GAPVD1: variants seen among roughly 807,000 people sequenced by gnomAD.
GAPVD1 encodes GTPase activating protein and VPS9 domains 1, also known as GTPase-activating protein and VPS9 domain-containing protein 1.
In GAPVD1, 35 loss-of-function variants were observed where a neutral mutation model predicts 155.5. That is an observed-to-expected ratio of 0.23 (90% confidence interval 0.17 to 0.30). The LOEUF is 0.30. Ranked by LOEUF, GAPVD1 falls within the 10% of genes least tolerant of loss-of-function variation. The pLI is 1.00. For synonymous variants in GAPVD1, 636 were observed against 619.7 expected, an observed-to-expected ratio of 1.03 and a Z score of -0.39; for missense variants, 1,429 against 1,775.7, an observed-to-expected ratio of 0.80 and a Z score of 3.51.
intron 2 of GAPVD1, among the ~76,000 whole-genome samples, chr9:125,281,895 A>G (rs1293264015): frequency 6.6e-6 from 1 of 151,494 alleles, no homozygotes; most frequent in Non-Finnish European, 1.5e-5. Context: ...GCTCACTGCA[A>G]TCTCTGCCTC....
intron 20 of GAPVD1, 40 bp downstream of exon 20, chr9:125,346,981 A>G (rs1364774751): frequency 1.2e-6 from 2 of 1,600,734 alleles, no homozygotes; most frequent in Admixed American, 3.3e-5. Flanking sequence ...AAACTTTTAT[A>G]TCATAGTGAT....
intron 23 of GAPVD1, among the ~76,000 whole-genome samples, chr9:125,353,367 G>A (rs539519532): frequency 1.3e-5 from 2 of 152,136 alleles, no homozygotes; most frequent in South Asian, 2.1e-4. Context: ...CAGCATTTTC[G>A]TCAAAGCCAT....
intron 2 of GAPVD1, among the ~76,000 whole-genome samples, chr9:125,290,940 C>T (rs939007110): frequency 2.0e-5 from 3 of 148,682 alleles, no homozygotes; most frequent in African/African-American, 5.0e-5. Flanking sequence ...TGCATTGAGC[C>T]GTGATCACAT....
Position 125,342,174 on chromosome 9 carries a change from T to A in GAPVD1, c.2966-45T>A, listed in dbSNP as rs777104210. The A allele has an allele frequency of 1.3e-5, 12 of 928,620 alleles. No individual in the cohort carries two copies. In the South Asian group the frequency reaches 1.6e-4, roughly 12 times the overall value. 57.5% of individuals were successfully genotyped at this position (928,620 alleles called of 1,614,324 possible). A position where few individuals can be genotyped will look rare whatever the true frequency, so the allele number is the denominator to read the frequency against. On this transcript the variant is annotated intron_variant, in intron 18 of 27. Coordinates refer to ENST00000297933, the MANE Select transcript of GAPVD1 (RefSeq NM_001282680.3). Reference sequence around the variant, plus strand: ...GGCACACCAGTTAACTTCCGAGTAGTGCAGTATGTTATATGTCACACTACT... The same window carrying A: ...GGCACACCAGTTAACTTCCGAGTAGAGCAGTATGTTATATGTCACACTACT...
chr9:125,280,631 A>C (rs1836640209), intron 2 of GAPVD1, among the ~76,000 whole-genome samples: 2 of 145,070 alleles, frequency 1.4e-5, no homozygotes, highest in Admixed American at 1.4e-4. Flanking sequence ...ACTGGAGTGC[A>C]GTGGCGCAAT....
intron 23 of GAPVD1, among the ~76,000 whole-genome samples, chr9:125,352,894 G>A (rs1849513427): frequency 6.6e-6 from 1 of 152,106 alleles, no homozygotes; most frequent in African/African-American, 2.4e-5. Flanking sequence ...ATCACCCGAG[G>A]TCAGGAGTTC....
At position 125,337,232 on chromosome 9, in the gene GAPVD1, G is replaced by T; in HGVS notation, c.2518G>T (p.Val840Leu). Reference sequence around the variant, plus strand: ...TTCCTGTGTTGCAGGGGCTTCTGCTGTGGTAAGGCCAAAGGTTCACTATGC... The same window carrying T: ...TTCCTGTGTTGCAGGGGCTTCTGCTTTGGTAAGGCCAAAGGTTCACTATGC... ...PLSSHEGASA[V>L]VRPKVHYARP... The change falls in exon 17 of 28, where the codon GTG (valine) becomes TTG (leucine). Residue 840 changes from valine to leucine, a missense_variant. Physicochemically the swap from Val to Leu is conservative, Grantham distance 32 (BLOSUM62 1). This residue lies in a region of GAPVD1 where 699 missense variants were observed against 826.0 expected (regional missense o/e 0.85). Coordinates refer to ENST00000297933, the MANE Select transcript of GAPVD1 (RefSeq NM_001282680.3). 1 of 1,614,046 alleles carries T rather than the reference G, an allele frequency of 6.2e-7. No homozygotes were observed. The highest frequency in any genetic ancestry group is 1.1e-5 in the South Asian group (1 of 91,086).
At position 125,298,953 on chromosome 9, in the gene GAPVD1, A is replaced by G. The variant is rs747338568; in HGVS notation, c.32A>G (p.His11Arg). 1.9e-6 allele frequency: 3 copies of G among 1,610,320 alleles called. No individual in the cohort carries two copies. In the East Asian group the frequency reaches 6.7e-5, roughly 36 times the overall value. The change falls in exon 4 of 28, where the codon CAT becomes CGT. Residue 11 changes from histidine (H) to arginine (R), a missense_variant. His to Arg is a conservative substitution (Grantham distance 29). Around this residue, in one of 4 missense-constraint regions of GAPVD1, gnomAD observed 628 missense variants for 733.4 expected, o/e 0.86. Coordinates refer to ENST00000297933, the MANE Select transcript of GAPVD1 (RefSeq NM_001282680.3). Reference protein sequence around the residue: MVKLDIHTLAHHLKQERLYVN... With the variant: MVKLDIHTLARHLKQERLYVN... ...AAACTAGATATTCATACTCTGGCTC[A>G]TCACCTCAAGCAGGAACGCTTATAT...
intron 25 of GAPVD1, among the ~76,000 whole-genome samples, chr9:125,358,041 T>G (rs1280281731): frequency 6.6e-6 from 1 of 151,888 alleles, no homozygotes; most frequent in Non-Finnish European, 1.5e-5. Context: ...TAACCTGGAA[T>G]AGTAATAGCG....
intron 15 of GAPVD1, chr9:125,336,808 A>T (rs2131973332): frequency 1.8e-6 from 1 of 544,590 alleles, no homozygotes; most frequent in Non-Finnish European, 3.2e-6. Flanking sequence ...AGACCACTTA[A>T]ATGTAAAGAA....
chr9:125,262,207 A>G (rs1293538800), intron 1 of GAPVD1, among the ~76,000 whole-genome samples: 3 of 151,802 alleles, frequency 2.0e-5, no homozygotes, highest in Non-Finnish European at 2.9e-5. Context: ...AGAGGGAGAG[A>G]CGCGTGGGGG....
intron 2 of GAPVD1, among the ~76,000 whole-genome samples, chr9:125,279,121 G>A (rs1401690552): frequency 1.3e-5 from 2 of 150,008 alleles, no homozygotes; most frequent in Non-Finnish European, 3.0e-5. Flanking sequence ...CTGAAGCAGG[G>A]TAATCACTGG....
intron 8 of GAPVD1, 126 bp downstream of exon 8, chr9:125,308,006 A>G: frequency 1.4e-6 from 1 of 690,466 alleles, no homozygotes. Flanking sequence ...ATGTTTACTG[A>G]TGGTATTTCA....
At chr9:125,348,837 C>T (rs1443514297) in intron 20 of GAPVD1, among the ~76,000 whole-genome samples, 1 of 152,140 alleles carries the variant, frequency 6.6e-6, no homozygotes, top group Non-Finnish European at 1.5e-5. Flanking sequence ...AGACATAAAA[C>T]CAACTTTGGA....
intron 2 of GAPVD1, among the ~76,000 whole-genome samples, chr9:125,293,679 ATATATAT>A (rs1358535795): frequency 1.4e-4 from 18 of 129,188 alleles, no homozygotes; most frequent in African/African-American, 4.9e-4. Context: ...ATATAAAAAT[ATATATAT>A]TATATATTTA....
intron 25 of GAPVD1, among the ~76,000 whole-genome samples, chr9:125,356,751 A>G (rs1406604852): frequency 6.6e-6 from 1 of 152,200 alleles, no homozygotes; most frequent in African/African-American, 2.4e-5. Flanking sequence ...AGCTCACTGC[A>G]GCCTCTGCCT....
At chr9:125,311,722 TTC>T (rs1398145842) in intron 8 of GAPVD1, among the ~76,000 whole-genome samples, 12 of 121,706 alleles carry the variant, frequency 9.9e-5, no homozygotes, top group Non-Finnish European at 3.5e-5. Flanking sequence ...TCTTTATTGT[TTC>T]TTTTTTTTTT....
rs778066765 is a variant in GAPVD1, at chr9:125,337,262, C to A, written c.2548C>A (p.Pro850Thr). 9.9e-6 allele frequency: 16 copies of A among 1,614,070 alleles called. 1 individual carries two copies. The South Asian group carries it at 1.6e-4, about 17-fold the overall frequency. ...AAGGCCAAAGGTTCACTATGCTAGGCCATCGCATCCACCACCAGATCCCCC... is the reference window on the plus strand; with the variant it reads ...AAGGCCAAAGGTTCACTATGCTAGGACATCGCATCCACCACCAGATCCCCC... ...VVRPKVHYARPSHPPPDPPIL... is the reference protein window; with the variant it reads ...VVRPKVHYARTSHPPPDPPIL... The change falls in exon 17 of 28, where the codon CCA (proline) becomes ACA (threonine). Residue 850 changes from proline (P) to threonine (T), a missense_variant. By Grantham distance (38) the Pro-to-Thr change is conservative. This residue lies in a region of GAPVD1 where 699 missense variants were observed against 826.0 expected (regional missense o/e 0.85). Transcript: ENST00000297933.
chr9:125,271,279 G>T (rs1236250810), intron 2 of GAPVD1, among the ~76,000 whole-genome samples: 1 of 151,894 alleles, frequency 6.6e-6, no homozygotes, highest in Non-Finnish European at 1.5e-5. Context: ...TTATAATGCC[G>T]GTACACCCAC....
Sources: allele counts gnomAD v4.1 joint callset (sites outside exome capture counted in the v4.1 genomes callset), GRCh38; gene constraint gnomAD v4.1.1; regional missense constraint gnomAD v4.1.1; transcripts MANE v1.5; gene names NCBI Gene and HGNC (gene_info 2026-07-23, HGNC 2026-07-21).